Variants in ACTR3C observed in about 807,000 individuals in gnomAD.
ACTR3C encodes actin related protein 3C.
ACTR3C carries 18 observed loss-of-function variants against 26.3 expected under a neutral mutation model. The observed-to-expected ratio is 0.68, with a 90% CI of 0.47 to 1.01. The LOEUF (loss-of-function observed/expected upper bound fraction) is 1.01, where lower values mean the gene tolerates loss of function less well. Ranked by LOEUF, ACTR3C falls within the 50% of genes least tolerant of loss-of-function variation. The pLI is 0.00. For synonymous variants in ACTR3C, 55 were observed against 94.5 expected, an observed-to-expected ratio of 0.58 and a Z score of 2.42; for missense variants, 184 against 250.7, an observed-to-expected ratio of 0.73 and a Z score of 1.80.
At chr7:150,279,128 C>A (rs1358139829) in intron 6 of ACTR3C, among the ~76,000 whole-genome samples, 1 of 152,122 alleles carries the variant, frequency 6.6e-6, no homozygotes, top group Admixed American at 6.5e-5. Context: ...GAGAGCAAGA[C>A]CTCAACTCTA....
chr7:150,171,388 CA>C, the ACTR3C span, among the ~76,000 whole-genome samples: 1 of 138,990 alleles, frequency 7.2e-6, no homozygotes, highest in East Asian at 2.0e-4. Flanking sequence ...AAAGAAGAAA[CA>C]AAAAATGCAA....
chr7:150,294,310 G>A lies in ACTR3C; in HGVS notation c.46-891C>T, dbSNP rs750879085. On this transcript the variant is annotated intron_variant, in intron 2 of 7. Coordinates refer to ENST00000683684, the MANE Select transcript of ACTR3C (RefSeq NM_001164458.2). ...CGCTCCCCGCAATGCACACGGCGGC[G>A]CCCACAACAAAGGACTACCCAGCCC... Among the ~76,000 whole-genome samples the A allele has an allele frequency of 1.0e-3, 159 of 152,292 alleles. 2 individuals are homozygous for A. Among genetic ancestry groups the A allele is most frequent in the Non-Finnish European group, 4.3e-4 (29 of 68,024 alleles).
chr7:150,092,498 T>C, the ACTR3C span, among the ~76,000 whole-genome samples: 89 of 149,902 alleles, frequency 5.9e-4, 1 homozygote, highest in Non-Finnish European at 1.6e-4. Context: ...TGTTTTATCA[T>C]CCTTAAACAA....
At chr7:150,192,184 CTCTTTTAA>C in the ACTR3C span, among the ~76,000 whole-genome samples, 1 of 150,766 alleles carries the variant, frequency 6.6e-6, no homozygotes. Flanking sequence ...GTTTTTAGTT[CTCTTTTAA>C]TCTTTTGCCT....
At chr7:150,249,932 C>T (rs1358711408) in intron 6 of ACTR3C, among the ~76,000 whole-genome samples, 1 of 152,176 alleles carries the variant, frequency 6.6e-6, no homozygotes. Context: ...GTGATAAGGC[C>T]TCACTTCCGG....
At chr7:150,047,997 A>G in the ACTR3C span, 8,590 of 1,191,756 alleles carry the variant, frequency 7.2e-3, 267 homozygotes, top group African/African-American at 0.079. Flanking sequence ...AGCGCCGGCG[A>G]CCGCTCCTCC....
chr7:150,114,669 T>G, the ACTR3C span, among the ~76,000 whole-genome samples: 2 of 152,338 alleles, frequency 1.3e-5, no homozygotes, highest in Non-Finnish European at 2.9e-5. Flanking sequence ...AGGGTTTGGT[T>G]TGAATTTCAT....
At chr7:150,110,162 C>T in the ACTR3C span, among the ~76,000 whole-genome samples, 1 of 142,154 alleles carries the variant, frequency 7.0e-6, no homozygotes, top group African/African-American at 2.7e-5. Flanking sequence ...CAAAAGCAAG[C>T]CTGAGCCCTC....
At chr7:150,039,720 C>T in the ACTR3C span, among the ~76,000 whole-genome samples, 1 of 145,592 alleles carries the variant, frequency 6.9e-6, no homozygotes, top group Non-Finnish European at 1.5e-5. Context: ...GTCTGGCTCT[C>T]AGTCCCCACC....
the ACTR3C span, among the ~76,000 whole-genome samples, chr7:149,948,850 T>C: frequency 2.0e-5 from 3 of 151,958 alleles, no homozygotes; most frequent in African/African-American, 7.3e-5. Flanking sequence ...GGAGTGCTGG[T>C]CTCGGACGTG....
chr7:150,085,605 GCAAGTATGT>G, the ACTR3C span, among the ~76,000 whole-genome samples: 1 of 152,192 alleles, frequency 6.6e-6, no homozygotes, highest in Non-Finnish European at 1.5e-5. Flanking sequence ...TTTCATTAAA[GCAAGTATGT>G]CAATGGGAAA....
the ACTR3C span, among the ~76,000 whole-genome samples, chr7:150,188,160 TTGTCTC>T: frequency 1.1e-4 from 16 of 152,316 alleles, no homozygotes; most frequent in African/African-American, 3.4e-4. Flanking sequence ...GATCTGATCT[TTGTCTC>T]TGTAGTTTCG....
the ACTR3C span, among the ~76,000 whole-genome samples, chr7:150,049,307 T>C: frequency 1.3e-5 from 2 of 151,790 alleles, no homozygotes; most frequent in African/African-American, 4.8e-5. Flanking sequence ...CGTCCCCACG[T>C]CCTCCTTGCG....
intron 1 of ACTR3C, chr7:150,322,660 T>A (rs1335052736): frequency 1.3e-5 from 2 of 152,226 alleles, no homozygotes. Context: ...AAAAAATGGG[T>A]AACCAGTAGC....
At chr7:150,176,449 C>T in the ACTR3C span, among the ~76,000 whole-genome samples, 1 of 150,920 alleles carries the variant, frequency 6.6e-6, no homozygotes, top group Non-Finnish European at 1.5e-5. Flanking sequence ...CTGATTACAG[C>T]TGAGCTTTAT....
the ACTR3C span, among the ~76,000 whole-genome samples, chr7:150,136,669 CATAAATAA>C: frequency 2.4e-4 from 36 of 148,374 alleles, no homozygotes; most frequent in African/African-American, 6.4e-4. Flanking sequence ...GACTCCATCT[CATAAATAA>C]ATAAATAAAT....
chr7:150,133,046 A>G, the ACTR3C span, among the ~76,000 whole-genome samples: 2 of 151,990 alleles, frequency 1.3e-5, no homozygotes, highest in Admixed American at 6.6e-5. Context: ...AACTCTAGCA[A>G]CCCTAGACAT....
chr7:150,038,421 G>A, the ACTR3C span, among the ~76,000 whole-genome samples: 1 of 142,878 alleles, frequency 7.0e-6, no homozygotes, highest in Non-Finnish European at 1.5e-5. Context: ...TGTAACTCAT[G>A]AAAAACTTGC....
At chr7:150,220,781 C>CA in the ACTR3C span, among the ~76,000 whole-genome samples, 1 of 152,308 alleles carries the variant, frequency 6.6e-6, no homozygotes, top group Non-Finnish European at 1.5e-5. Context: ...GCCACCGCTG[C>CA]AAGGAGCCCA....
Sources: gnomAD v4.1 joint callset for allele counts (sites outside exome capture counted in the v4.1 genomes callset) on GRCh38, gnomAD v4.1.1 for gene constraint, MANE v1.5 for transcripts, NCBI Gene and HGNC (gene_info 2026-07-23, HGNC 2026-07-21) for gene names.